The following CASK variants were observed in gnomAD, a reference collection of about 807,000 sequenced individuals.
CASK encodes the protein peripheral plasma membrane protein CASK.
In CASK, 4 loss-of-function variants were observed where a neutral mutation model predicts 82.9. The observed-to-expected ratio is 0.05, with a 90% CI of 0.02 to 0.11. The LOEUF is 0.11. CASK is among the 10% of genes least tolerant of loss of function. The pLI, the probability that CASK is intolerant of heterozygous loss-of-function variation, is 1.00. For synonymous variants in CASK, 259 were observed against 253.5 expected (o/e 1.02, Z -0.20); for missense variants, 358 against 720.9 (o/e 0.50, Z 5.76).
intron 25 of CASK, among the ~76,000 whole-genome samples, chrX:41,525,035 T>C (rs2064692357): frequency 8.9e-6 from 1 of 111,783 alleles, no homozygotes; most frequent in South Asian, 3.8e-4. Context: ...CTATTCCTAT[T>C]GCTCCATCTT....
chrX:41,826,445 G>A (rs1248554271), intron 2 of CASK, among the ~76,000 whole-genome samples: 1 of 111,875 alleles, frequency 8.9e-6, no homozygotes, highest in Non-Finnish European at 1.9e-5. Flanking sequence ...TCACCATACT[G>A]CTTTGGCCCT....
At chrX:41,841,917 A>C (rs2071047875) in intron 2 of CASK, among the ~76,000 whole-genome samples, 2 of 112,074 alleles carry the variant, frequency 1.8e-5, no homozygotes, top group Non-Finnish European at 3.8e-5. Flanking sequence ...CTTGTGCTTT[A>C]GGTGTAATAA....
intron 5 of CASK, among the ~76,000 whole-genome samples, 170 bp from the exon 6 acceptor site, chrX:41,671,700 T>C (rs1296911325): frequency 8.9e-6 from 1 of 112,223 alleles, no homozygotes; most frequent in Non-Finnish European, 1.9e-5. Context: ...TATTCTCACG[T>C]CTGGCTGATT....
At chrX:41,690,620 C>A (rs2067533592) in intron 5 of CASK, among the ~76,000 whole-genome samples, 1 of 108,217 alleles carries the variant, frequency 9.2e-6, no homozygotes, top group South Asian at 4.1e-4. Flanking sequence ...CTCGGCCTCC[C>A]AAAGTGCTGG....
chrX:41,920,124 T>G (rs980916455), intron 1 of CASK, among the ~76,000 whole-genome samples: 1 of 111,905 alleles, frequency 8.9e-6, no homozygotes, highest in African/African-American at 3.2e-5. Flanking sequence ...AAATCTATTT[T>G]AAAGTACCTT....
chrX:41,567,790 G>T (rs1312754953), intron 16 of CASK, among the ~76,000 whole-genome samples: 1 of 111,366 alleles, frequency 9.0e-6, no homozygotes, highest in South Asian at 3.8e-4. Context: ...ACATGCACAC[G>T]TATGTTTATT....
At chrX:41,706,496 T>G (rs752822160) in intron 5 of CASK, among the ~76,000 whole-genome samples, 120 of 111,790 alleles carry the variant, frequency 1.1e-3, no homozygotes, top group African/African-American at 3.7e-3. Context: ...AGGATCAAAC[T>G]AGCTATTGGG....
chrX:41,902,021 C>T (rs1389446398), intron 1 of CASK, among the ~76,000 whole-genome samples: 6 of 110,883 alleles, frequency 5.4e-5, no homozygotes, highest in South Asian at 7.7e-4. Flanking sequence ...AGCCCGGATC[C>T]GCCAGGGTGA....
At chrX:41,615,894 C>T (rs2066187334) in intron 11 of CASK, among the ~76,000 whole-genome samples, 1 of 111,845 alleles carries the variant, frequency 8.9e-6, no homozygotes, top group Non-Finnish European at 1.9e-5. Flanking sequence ...CCCAAAGTGC[C>T]GGGACTACAG....
In CASK at chrX:41,917,335, C is replaced by T. The variant is rs1188642790; in HGVS notation, c.59+5595G>A. ...TAACATTAGAGGGATAAATGTCAATCCCTTTATAAAGTAAGCTTTAAGTTA... is the reference window on the plus strand; with the variant it reads ...TAACATTAGAGGGATAAATGTCAATTCCTTTATAAAGTAAGCTTTAAGTTA... On this transcript the variant is annotated intron_variant, in intron 1 of 26. Coordinates refer to ENST00000378163, the MANE Select transcript of CASK (RefSeq NM_001367721.1). 3.6e-5 allele frequency among the ~76,000 whole-genome samples: 4 copies of T among 112,147 alleles called. No individual in the cohort carries two copies. In the East Asian group the frequency reaches 1.1e-3, roughly 31 times the overall value.
intron 1 of CASK, among the ~76,000 whole-genome samples, chrX:41,863,899 T>C (rs778673020): frequency 7.1e-5 from 8 of 112,086 alleles, no homozygotes; most frequent in Non-Finnish European, 1.1e-4. Flanking sequence ...AAATCATATT[T>C]CTAAGGGGTG....
intron 2 of CASK, among the ~76,000 whole-genome samples, chrX:41,825,286 C>T (rs1311844485): frequency 9.0e-6 from 1 of 111,195 alleles, no homozygotes; most frequent in East Asian, 2.8e-4. Context: ...TAACTGGACC[C>T]TGTTTGATAT....
intron 5 of CASK, among the ~76,000 whole-genome samples, chrX:41,676,822 TGAG>T (rs1418692969): frequency 5.3e-5 from 6 of 112,433 alleles, no homozygotes; most frequent in African/African-American, 1.9e-4. Context: ...GCAGAGATGA[TGAG>T]AAGTAGTCAA....
intron 1 of CASK, among the ~76,000 whole-genome samples, chrX:41,901,479 C>A (rs1175447421): frequency 9.4e-6 from 1 of 106,430 alleles, no homozygotes; most frequent in Non-Finnish European, 1.9e-5. Flanking sequence ...AGAGTGAGAC[C>A]CTGTCTCAGA....
chrX:41,766,048 T>C lies in CASK; in HGVS notation c.279-20447A>G, dbSNP rs148295390. Reference sequence around the variant, plus strand: ...AGTCTACAAGGATCTATATTTCTTATAGCTGTATGTGAATCTAAAATTGTA... The same window carrying C: ...AGTCTACAAGGATCTATATTTCTTACAGCTGTATGTGAATCTAAAATTGTA... On this transcript the variant is annotated intron_variant, in intron 3 of 26. Transcript: ENST00000378163. Among the ~76,000 whole-genome samples, 1,106 of 112,281 alleles carry C rather than the reference T, an allele frequency of 9.9e-3. 16 individuals carry two copies. Among genetic ancestry groups the C allele is most frequent in the African/African-American group, 0.034 (1,050 of 30,962 alleles).
chrX:41,770,637 C>T (rs1173392479), intron 3 of CASK, among the ~76,000 whole-genome samples: 1 of 111,264 alleles, frequency 9.0e-6, no homozygotes, highest in Non-Finnish European at 1.9e-5. Context: ...GATCTGCCTG[C>T]CTCAGCCTCC....
chrX:41,629,893 G>T (rs2066438164), intron 9 of CASK, among the ~76,000 whole-genome samples: 1 of 111,883 alleles, frequency 8.9e-6, no homozygotes, highest in African/African-American at 3.2e-5. Flanking sequence ...TTTTATACAA[G>T]TAGTTCTTCA....
At chrX:41,824,211 A>T (rs2070609934) in intron 2 of CASK, among the ~76,000 whole-genome samples, 1 of 112,109 alleles carries the variant, frequency 8.9e-6, no homozygotes, top group South Asian at 3.7e-4. Context: ...AAGCAAAATG[A>T]AATAAAATCA....
chrX:41,755,411 T>C (rs182866815), intron 3 of CASK, among the ~76,000 whole-genome samples: 101 of 111,626 alleles, frequency 9.0e-4, no homozygotes, highest in Non-Finnish European at 3.8e-5. Flanking sequence ...CCAAATTGAG[T>C]TTACCCGAGG....
Sources: allele counts gnomAD v4.1 joint callset (sites outside exome capture counted in the v4.1 genomes callset), GRCh38; gene constraint gnomAD v4.1.1; transcripts MANE v1.5; gene names NCBI Gene and HGNC (gene_info 2026-07-23, HGNC 2026-07-21).